Variants in RNF43 observed in about 807,000 individuals in gnomAD.
The protein encoded by RNF43 is E3 ubiquitin-protein ligase RNF43.
Under a neutral mutation model 78.4 loss-of-function variants are expected in RNF43, and 37 were observed. The ratio of observed to expected loss-of-function variants is 0.47; its 90% CI spans 0.36 to 0.62. The LOEUF (loss-of-function observed/expected upper bound fraction) is 0.62, where lower values mean the gene tolerates loss of function less well. Ranked by LOEUF, RNF43 falls within the 20% of genes least tolerant of loss-of-function variation. The pLI, the probability that RNF43 is intolerant of heterozygous loss-of-function variation, is 0.00. For synonymous variants in RNF43, 347 were observed against 395.0 expected (o/e 0.88, Z 1.44); for missense variants, 774 against 1,007.9 (o/e 0.77, Z 3.14).
downstream of RNF43, chr17:58,353,389 G>A (rs7219859): frequency 0.19 from 37,661 of 201,250 alleles, 3,526 homozygotes; most frequent in East Asian, 0.22. Context: ...CCCAAGGTCT[G>A]AGTCACTGAA....
intron 9 of RNF43, chr17:58,356,963 G>C (rs1289159087): frequency 2.5e-6 from 1 of 402,076 alleles, no homozygotes; most frequent in African/African-American, 2.3e-5. Context: ...GCGCCATCTT[G>C]GCTCACTGCA....
At chr17:58,378,266 ATTTATT>A (rs1383139887) in intron 2 of RNF43, among the ~76,000 whole-genome samples, 4 of 151,890 alleles carry the variant, frequency 2.6e-5, no homozygotes, top group Admixed American at 1.3e-4. Flanking sequence ...ATTTTACTCT[ATTTATT>A]TTTGAGATAG....
intron 9 of RNF43, among the ~76,000 whole-genome samples, chr17:58,355,677 C>T (rs1972671784): frequency 6.6e-6 from 1 of 152,160 alleles, no homozygotes; most frequent in Admixed American, 6.5e-5. Flanking sequence ...TGGATTTTTC[C>T]TCTCTGTGGA....
intron 2 of RNF43, among the ~76,000 whole-genome samples, chr17:58,392,346 T>C (rs1377570472): frequency 2.0e-5 from 3 of 152,226 alleles, no homozygotes; most frequent in East Asian, 3.8e-4. Flanking sequence ...TCATGAGATA[T>C]AATGGGAAGC....
rs1456599225 is a variant in RNF43 at position 58,354,776 on chromosome 17, C to T, written c.*167G>A. 7.5e-6 allele frequency: 5 copies of T among 664,380 alleles called. No individual in the cohort carries two copies. Among genetic ancestry groups the T allele is most frequent in the Non-Finnish European group, 1.4e-5 (5 of 366,706 alleles). 41.2% of individuals were successfully genotyped at this position (664,380 alleles called of 1,614,324 possible). On this transcript the variant is annotated 3_prime_UTR_variant, in exon 10 of 10. Transcript: ENST00000407977. ...CTGGAGCTGGAGCAGGAAACGGCACCCTCTCACCCTCCACCATCACCAGTC... is the reference window on the plus strand; with the variant it reads ...CTGGAGCTGGAGCAGGAAACGGCACTCTCTCACCCTCCACCATCACCAGTC...
chr17:58,375,514 A>G (rs1218384293), intron 2 of RNF43, among the ~76,000 whole-genome samples: 1 of 152,218 alleles, frequency 6.6e-6, no homozygotes, highest in Admixed American at 6.5e-5. Flanking sequence ...CCAGATGATG[A>G]CTGAGTCTAG....
At chr17:58,398,227 T>G (rs1031995377) in intron 2 of RNF43, among the ~76,000 whole-genome samples, 3 of 152,230 alleles carry the variant, frequency 2.0e-5, no homozygotes, top group Non-Finnish European at 2.9e-5. Flanking sequence ...TTCAATGTAT[T>G]GGTGCACTTT....
At position 58,360,179 on chromosome 17, in the gene RNF43, T is replaced by A. The variant is rs1199138082; in HGVS notation, c.922A>T (p.Thr308Ser). The A allele has an allele frequency of 3.1e-6, 5 of 1,613,758 alleles. No individual in the cohort carries two copies. The Admixed American group carries it at 8.3e-5, about 27-fold the overall frequency. ...ATGTTGAACATGCAGAGGGGGCAAGTCCGATGCTGATGTAACCAGGGGTCC... is the reference window on the plus strand; with the variant it reads ...ATGTTGAACATGCAGAGGGGGCAAGACCGATGCTGATGTAACCAGGGGTCC... Reference protein sequence around the residue: ...CVDPWLHQHRTCPLCMFNITE... With the variant: ...CVDPWLHQHRSCPLCMFNITE... The change falls in exon 8 of 10, where the codon ACT (threonine) becomes TCT (serine). Residue 308 changes from threonine (T) to serine (S), a missense_variant. Transcript: ENST00000407977. This position sits in a 1 kb window ranked among gnomAD's most constrained non-coding sequence, Gnocchi z 4.3.
At chr17:58,374,654 G>A (rs1973171092) in intron 2 of RNF43, among the ~76,000 whole-genome samples, 2 of 152,200 alleles carry the variant, frequency 1.3e-5, no homozygotes, top group African/African-American at 4.8e-5. Flanking sequence ...GCCTCCTACA[G>A]TGCTGGGATT....
chr17:58,368,409 G>A (rs11655239), intron 3 of RNF43, among the ~76,000 whole-genome samples: 15,390 of 152,176 alleles, frequency 0.1, 1,124 homozygotes, highest in South Asian at 0.32. Context: ...TTAGCCAGGC[G>A]TGGTGGTGGG....
intron 2 of RNF43, among the ~76,000 whole-genome samples, chr17:58,396,229 T>C (rs1973677588): frequency 6.6e-6 from 1 of 152,146 alleles, no homozygotes; most frequent in African/African-American, 2.4e-5. Flanking sequence ...GAAGAAACGT[T>C]TGACTTGACA....
chr17:58,402,654 CTTAAAG>C (rs1156859978), intron 2 of RNF43: 6 of 152,172 alleles, frequency 3.9e-5, no homozygotes, highest in African/African-American at 9.7e-5. Context: ...AAGATAATTT[CTTAAAG>C]TTATAGTCTT....
chr17:58,365,851 T>C (rs112185562), intron 3 of RNF43, among the ~76,000 whole-genome samples: 16 of 152,068 alleles, frequency 1.1e-4, no homozygotes, highest in African/African-American at 3.9e-4. Flanking sequence ...AGCTTCAGAG[T>C]TGGCCAGCCC....
At chr17:58,377,820 G>T (rs1033781399) in intron 2 of RNF43, among the ~76,000 whole-genome samples, 1 of 151,958 alleles carries the variant, frequency 6.6e-6, no homozygotes, top group South Asian at 2.1e-4. Context: ...AAGAACATTG[G>T]CCAGGCATCA....
rs559511037 is a variant in RNF43 at position 58,417,519 on chromosome 17, T to C, written c.-888A>G. On this transcript the variant is annotated 5_prime_UTR_variant, in exon 1 of 10. Coordinates refer to ENST00000407977, the MANE Select transcript of RNF43 (RefSeq NM_017763.6). The stretch of plus-strand genomic sequence containing the variant: ...CGAGTGCTTCCTTTCAGAAAGACAA[T>C]TCTGGATCAACTCCCTAGAGCAGGA... 1 of 152,168 alleles carries C rather than the reference T, an allele frequency of 6.6e-6. No homozygotes were observed. The highest frequency in any genetic ancestry group is 2.1e-4 in the South Asian group (1 of 4,824). The allele number at this position is 152,168 out of a possible 1,614,324, so 9.4% of individuals were successfully genotyped here.
chr17:58,361,752 G>C (rs1332921745), intron 6 of RNF43, among the ~76,000 whole-genome samples: 1 of 152,154 alleles, frequency 6.6e-6, no homozygotes, highest in Non-Finnish European at 1.5e-5. Context: ...CCTTCATGCT[G>C]TTCCTCAGAT....
At chr17:58,385,568 T>C (rs1384771740) in intron 2 of RNF43, among the ~76,000 whole-genome samples, 2 of 152,208 alleles carry the variant, frequency 1.3e-5, no homozygotes, top group East Asian at 3.8e-4. Flanking sequence ...TCTAAAGCTC[T>C]CTGTCATTTC....
chr17:58,381,882 C>T lies in RNF43; in HGVS notation c.253-10849G>A, dbSNP rs935656642. ...TATTTTTCCTTTCTCTTCCCATGGA[C>T]GTTTCCCTATTTCCTTGGTTCTATA... On this transcript the variant is annotated intron_variant, in intron 2 of 9. Coordinates refer to ENST00000407977, the MANE Select transcript of RNF43 (RefSeq NM_017763.6). Among the ~76,000 whole-genome samples the T allele has an allele frequency of 6.0e-5, 9 of 150,476 alleles. No homozygotes were observed. The East Asian group carries it at 1.2e-3, about 20-fold the overall frequency.
intron 2 of RNF43, among the ~76,000 whole-genome samples, chr17:58,379,441 A>G (rs78911886): frequency 6.6e-6 from 1 of 152,160 alleles, no homozygotes; most frequent in Non-Finnish European, 1.5e-5. Context: ...AGGATGAGAA[A>G]GGTGTGTCCT....
Sources: gnomAD v4.1 joint callset for allele counts (sites outside exome capture counted in the v4.1 genomes callset) on GRCh38, gnomAD v4.1.1 for gene constraint, Gnocchi (gnomAD v3.1) non-coding constraint, MANE v1.5 for transcripts, NCBI Gene and HGNC (gene_info 2026-07-23, HGNC 2026-07-21) for gene names.